DCSTAMP: variants seen among roughly 807,000 people sequenced by gnomAD.
The protein encoded by DCSTAMP is dendrocyte expressed seven transmembrane protein, also known as dendritic cell-specific transmembrane protein.
DCSTAMP carries 25 observed loss-of-function variants against 33.8 expected under a neutral mutation model. The observed-to-expected ratio is 0.74, with a 90% confidence interval of 0.54 to 1.03. DCSTAMP has a LOEUF of 1.03. Among genes scored for constraint, DCSTAMP ranks in the 50% least tolerant of loss-of-function variants. The pLI, the probability that DCSTAMP is intolerant of heterozygous loss-of-function variation, is 0.00. For missense variants in DCSTAMP, 531 were observed against 556.8 expected, an observed-to-expected ratio of 0.95 and a Z score of 0.47; for synonymous variants, 245 against 216.7, an observed-to-expected ratio of 1.13 and a Z score of -1.15.
intron 1 of DCSTAMP, among the ~76,000 whole-genome samples, chr8:104,342,328 C>T (rs1018845815): frequency 6.6e-6 from 1 of 152,200 alleles, no homozygotes; most frequent in Non-Finnish European, 1.5e-5. Flanking sequence ...CTCTCACAAT[C>T]CGTGGCCAAA....
intron 1 of DCSTAMP, among the ~76,000 whole-genome samples, chr8:104,347,958 CAT>C (rs1810357196): frequency 6.6e-6 from 1 of 152,058 alleles, no homozygotes; most frequent in Non-Finnish European, 1.5e-5. Context: ...AGAGAGAAAA[CAT>C]AAGGATAAAA....
Position 104,351,096 on chromosome 8 carries a change from A to G in DCSTAMP, c.1029+1515A>G, listed in dbSNP as rs188209805. 5.9e-5 allele frequency among the ~76,000 whole-genome samples: 9 copies of G among 152,144 alleles called. No homozygotes were observed. The East Asian group carries it at 1.2e-3, about 20-fold the overall frequency. On this transcript the variant is annotated intron_variant, in intron 2 of 3. Coordinates refer to ENST00000297581, the MANE Select transcript of DCSTAMP (RefSeq NM_030788.4). Reference sequence around the variant, plus strand: ...TGAGGGATGTGGCTTTCTCTCCTCTATTCTCCTTCTCTCTCCTCTTGGCAG... The same window carrying G: ...TGAGGGATGTGGCTTTCTCTCCTCTGTTCTCCTTCTCTCTCCTCTTGGCAG...
Sources: gnomAD v4.1 joint callset for allele counts (sites outside exome capture counted in the v4.1 genomes callset) on GRCh38, gnomAD v4.1.1 for gene constraint, MANE v1.5 for transcripts, NCBI Gene and HGNC (gene_info 2026-07-23, HGNC 2026-07-21) for gene names.